The following BICRA variants were observed in gnomAD, a reference collection of about 807,000 sequenced individuals.
BICRA encodes the protein BRD4 interacting chromatin remodeling complex associated protein, also known as BRD4-interacting chromatin-remodeling complex-associated protein.
BICRA carries 31 observed loss-of-function variants against 96.9 expected under a neutral mutation model. The ratio of observed to expected loss-of-function variants is 0.32; its 90% CI spans 0.24 to 0.43. BICRA has a LOEUF of 0.43. Among genes scored for constraint, BICRA ranks in the 20% least tolerant of loss-of-function variants. The pLI is 1.00. For missense variants in BICRA, 2,283 were observed against 2,190.3 expected, an observed-to-expected ratio of 1.04 and a Z score of -0.84; for synonymous variants, 1,350 against 1,071.8, an observed-to-expected ratio of 1.26 and a Z score of -5.07.
In BICRA at chr19:47,613,063, G is replaced by A. The variant is rs925138673; in HGVS notation, c.-108+3895G>A. ...TTTGGGGGGCTGGTGGGAGAAGTCC[G>A]AGTGAGGCCCTAGAGGGTCTCCCGG... On this transcript the variant is annotated intron_variant, in intron 1 of 14. Coordinates refer to ENST00000594866, the MANE Select transcript of BICRA (RefSeq NM_001394372.1). Among the ~76,000 whole-genome samples the A allele has an allele frequency of 7.2e-5, 11 of 152,150 alleles. No homozygotes were observed. The East Asian group carries it at 1.7e-3, about 24-fold the overall frequency.
chr19:47,634,756 A>ATTTTT (rs57492096), intron 1 of BICRA, among the ~76,000 whole-genome samples: 8 of 120,292 alleles, frequency 6.7e-5, no homozygotes, highest in Non-Finnish European at 1.2e-4. Flanking sequence ...TTAAAATTAA[A>ATTTTT]TTTTTTTTTT....
intron 11 of BICRA, among the ~76,000 whole-genome samples, chr19:47,696,965 C>G (rs1279795670): frequency 6.6e-6 from 1 of 150,698 alleles, no homozygotes; most frequent in East Asian, 2.0e-4. Flanking sequence ...CCTGCCTGCC[C>G]TCTCTCCTGC....
intron 2 of BICRA, among the ~76,000 whole-genome samples, chr19:47,670,850 G>A (rs1340390097): frequency 2.0e-5 from 3 of 152,180 alleles, no homozygotes; most frequent in Non-Finnish European, 2.9e-5. Flanking sequence ...GGGGCTCATA[G>A]GTCATGGACC....
intron 1 of BICRA, among the ~76,000 whole-genome samples, chr19:47,631,786 C>T (rs1251080344): frequency 3.9e-5 from 6 of 152,008 alleles, no homozygotes; most frequent in African/African-American, 1.2e-4. Flanking sequence ...GTAGCTGGGA[C>T]TACAGGTGCA....
At chr19:47,682,708 A>G (rs1309485596) in intron 7 of BICRA, among the ~76,000 whole-genome samples, 4 of 146,248 alleles carry the variant, frequency 2.7e-5, no homozygotes, top group Admixed American at 1.4e-4. Flanking sequence ...GTCTCACTCT[A>G]TCACCCAGGC....
Position 47,695,352 on chromosome 19 carries a change from C to CCCCCCCCCCCCCCCCCCCCCCCCCCCCCT in BICRA, c.3077-13_3077-12insCCCCCCCCCCCCCCCCCCCCCCCCCCCCT. The CCCCCCCCCCCCCCCCCCCCCCCCCCCCCT allele has an allele frequency of 2.9e-6, 2 of 686,678 alleles. No individual in the cohort carries two copies. Among genetic ancestry groups the CCCCCCCCCCCCCCCCCCCCCCCCCCCCCT allele is most frequent in the Admixed American group, 2.6e-5 (1 of 38,594 alleles). 42.5% of individuals were successfully genotyped at this position (686,678 alleles called of 1,614,324 possible). A position where few individuals can be genotyped will look rare whatever the true frequency, so the allele number is the denominator to read the frequency against. On this transcript the variant is annotated splice_polypyrimidine_tract_variant and intron_variant, in intron 9 of 14. Transcript: ENST00000594866. ...ACCGCAGGCCCTGTCTCCCCCACCC[C>CCCCCCCCCCCCCCCCCCCCCCCCCCCCCT]ACCCACCCCCAGGCCTCCCTCCTCT...
chr19:47,695,342 T>TCGGGGGGCCCCCCCCCCCCCCCCCCCCC, intron 9 of BICRA, 23 bp from the exon 10 acceptor site: 3 of 630,090 alleles, frequency 4.8e-6, no homozygotes, highest in Non-Finnish European at 5.7e-6. Flanking sequence ...AGGCCCTGTC[T>TCGGGGGGCCCCCCCCCCCCCCCCCCCCC]CCCCCACCCC....
intron 1 of BICRA, among the ~76,000 whole-genome samples, chr19:47,649,011 C>A (rs1430745618): frequency 6.6e-6 from 1 of 151,916 alleles, no homozygotes; most frequent in African/African-American, 2.4e-5. Context: ...ACCACCACAC[C>A]TGGCTAATTT....
At chr19:47,618,400 A>C (rs1312698645) in intron 1 of BICRA, among the ~76,000 whole-genome samples, 4 of 152,066 alleles carry the variant, frequency 2.6e-5, no homozygotes, top group Non-Finnish European at 5.9e-5. Context: ...TATTTGGATG[A>C]CCTTATTGTT....
At chr19:47,690,260 C>T (rs1973221765) in intron 7 of BICRA, among the ~76,000 whole-genome samples, 1 of 152,156 alleles carries the variant, frequency 6.6e-6, no homozygotes, top group African/African-American at 2.4e-5. Context: ...CCTCAGCCTC[C>T]CAAAGTGCTG....
intron 1 of BICRA, chr19:47,663,044 A>C (rs1053547175): frequency 6.6e-6 from 1 of 152,246 alleles, no homozygotes; most frequent in African/African-American, 2.4e-5. Context: ...ATAGTGGCTT[A>C]AACCATAAGG....
intron 1 of BICRA, among the ~76,000 whole-genome samples, chr19:47,669,408 A>C (rs1375598446): frequency 6.6e-6 from 1 of 152,162 alleles, no homozygotes; most frequent in African/African-American, 2.4e-5. Context: ...TTTCCCCAGG[A>C]GTGGCAGCTC....
intron 1 of BICRA, among the ~76,000 whole-genome samples, chr19:47,664,920 G>A (rs1972754701): frequency 6.6e-6 from 1 of 152,184 alleles, no homozygotes; most frequent in South Asian, 2.1e-4. Flanking sequence ...CTGGGTGGGG[G>A]GCAGCGGACA....
chr19:47,621,417 A>C (rs1212797107), intron 1 of BICRA, among the ~76,000 whole-genome samples: 2 of 151,178 alleles, frequency 1.3e-5, no homozygotes, highest in East Asian at 1.9e-4. Context: ...GTACCTTCTC[A>C]AGCATGTCCC....
At chr19:47,681,349 G>A in intron 6 of BICRA, 73 bp downstream of exon 6, 2 of 1,368,990 alleles carry the variant, frequency 1.5e-6, no homozygotes, top group South Asian at 2.5e-5. Flanking sequence ...CTGGGGCGAG[G>A]CGCCAAGATC....
chr19:47,630,301 T>C (rs935374332), intron 1 of BICRA, among the ~76,000 whole-genome samples: 1 of 151,750 alleles, frequency 6.6e-6, no homozygotes, highest in South Asian at 2.1e-4. Context: ...GCTGGGACTA[T>C]AGGCGTCCGC....
chr19:47,671,386 CAGTG>C (rs1205855596), intron 2 of BICRA, among the ~76,000 whole-genome samples: 1 of 152,170 alleles, frequency 6.6e-6, no homozygotes, highest in Non-Finnish European at 1.5e-5. Flanking sequence ...GTCACATCGT[CAGTG>C]AGGTTTGGGA....
At position 47,640,685 on chromosome 19, in the gene BICRA, C is replaced by T. The variant is rs370767387; in HGVS notation, c.-107-29758C>T. ...TGGCGGTGTGGGTGGTCATTGTAACCGGCCCTTGCTGAAAAGGTGACATTT... is the reference window on the plus strand; with the variant it reads ...TGGCGGTGTGGGTGGTCATTGTAACTGGCCCTTGCTGAAAAGGTGACATTT... On this transcript the variant is annotated intron_variant, in intron 1 of 14. Transcript: ENST00000594866. Among the ~76,000 whole-genome samples, 135 of 152,044 alleles carry T rather than the reference C, an allele frequency of 8.9e-4. 3 individuals are homozygous for T. The South Asian group carries it at 9.8e-3, about 11-fold the overall frequency.
rs189234766 is a variant in BICRA, at chr19:47,623,079, C to T, written c.-108+13911C>T. ...TGTGTGTGTACTCTCATATATTAGA[C>T]ATTACATAATACATAATAGAAATAT... On this transcript the variant is annotated intron_variant, in intron 1 of 14. Coordinates refer to ENST00000594866, the MANE Select transcript of BICRA (RefSeq NM_001394372.1). Among the ~76,000 whole-genome samples the T allele has an allele frequency of 6.9e-3, 1,053 of 151,522 alleles. 19 individuals are homozygous for T. The highest frequency in any genetic ancestry group is 0.024 in the African/African-American group (983 of 41,356).
Sources: gnomAD v4.1 joint callset for allele counts (sites outside exome capture counted in the v4.1 genomes callset) on GRCh38, gnomAD v4.1.1 for gene constraint, MANE v1.5 for transcripts, NCBI Gene and HGNC (gene_info 2026-07-23, HGNC 2026-07-21) for gene names.